SMOC2: variants seen among roughly 807,000 people sequenced by gnomAD.
SMOC2 encodes the protein SPARC related modular calcium binding 2, also known as SPARC-related modular calcium-binding protein 2.
SMOC2 carries 39 observed loss-of-function variants against 61.4 expected under a neutral mutation model. The ratio of observed to expected loss-of-function variants is 0.64; its 90% confidence interval spans 0.49 to 0.83. The LOEUF (loss-of-function observed/expected upper bound fraction) is 0.83, where lower values mean the gene tolerates loss of function less well. SMOC2 is among the 40% of genes least tolerant of loss of function. The probability of loss-of-function intolerance (pLI) is 0.00; values close to 1 mark genes in which losing one functional copy is unlikely to be tolerated. For synonymous variants in SMOC2, 247 were observed against 239.9 expected (o/e 1.03, Z -0.27); for missense variants, 556 against 592.9 (o/e 0.94, Z 0.65).
intron 8 of SMOC2, among the ~76,000 whole-genome samples, chr6:168,606,025 G>A (rs16887191): frequency 0.012 from 1,758 of 152,236 alleles, 31 homozygotes; most frequent in African/African-American, 0.038. Context: ...ACACTGACCC[G>A]GAGCTTGAAG....
intron 1 of SMOC2, among the ~76,000 whole-genome samples, chr6:168,462,745 T>C (rs1191167158): frequency 1.3e-5 from 2 of 152,184 alleles, no homozygotes; most frequent in Non-Finnish European, 2.9e-5. Context: ...GGGTTTGGGC[T>C]GAGAGTCTCC....
intron 4 of SMOC2, among the ~76,000 whole-genome samples, chr6:168,536,501 C>T (rs145386263): frequency 1.5e-3 from 229 of 152,260 alleles, no homozygotes; most frequent in African/African-American, 4.7e-3. Flanking sequence ...CTCAGCCTCA[C>T]GGTGACCCAG....
At chr6:168,495,671 C>T (rs1583056731) in intron 1 of SMOC2, among the ~76,000 whole-genome samples, 1 of 152,264 alleles carries the variant, frequency 6.6e-6, no homozygotes, top group South Asian at 2.1e-4. Context: ...GTCTGCCACT[C>T]CCACACTGCC....
chr6:168,657,114 C>T (rs149315805), intron 11 of SMOC2, among the ~76,000 whole-genome samples: 111 of 152,388 alleles, frequency 7.3e-4, no homozygotes, highest in African/African-American at 2.6e-3. Context: ...GCCCACTCAC[C>T]ACTGTGGGAA....
At chr6:168,450,778 G>T (rs1043961369) in intron 1 of SMOC2, among the ~76,000 whole-genome samples, 3 of 152,182 alleles carry the variant, frequency 2.0e-5, no homozygotes, top group African/African-American at 7.2e-5. Context: ...CAAGCATTTG[G>T]TCACTTAAAC....
At chr6:168,512,665 T>TGGTC (rs747637807) in intron 2 of SMOC2, among the ~76,000 whole-genome samples, 3 of 152,220 alleles carry the variant, frequency 2.0e-5, no homozygotes, top group Non-Finnish European at 4.4e-5. Flanking sequence ...TGGCCTGGAA[T>TGGTC]GGTCGCTGCC....
intron 1 of SMOC2, 140 bp downstream of exon 1, chr6:168,441,594 C>G (rs1242696010): frequency 1.6e-6 from 2 of 1,231,754 alleles, no homozygotes; most frequent in African/African-American, 3.2e-5. Flanking sequence ...GGAGCCTTCG[C>G]CTGCCGGCGA....
chr6:168,606,547 T>A (rs967454236), intron 8 of SMOC2, among the ~76,000 whole-genome samples: 1 of 152,098 alleles, frequency 6.6e-6, no homozygotes, highest in Non-Finnish European at 1.5e-5. Flanking sequence ...ACACTTTAAA[T>A]ATGTCCCTTT....
chr6:168,608,011 G>T, intron 8 of SMOC2, 146 bp from the exon 9 acceptor site: 1 of 678,402 alleles, frequency 1.5e-6, no homozygotes, highest in Non-Finnish European at 2.5e-6. Flanking sequence ...ACAGAAAGGA[G>T]TGAGGAGGTC....
chr6:168,552,612 G>A (rs1784153013), intron 7 of SMOC2, among the ~76,000 whole-genome samples: 1 of 152,132 alleles, frequency 6.6e-6, no homozygotes, highest in Non-Finnish European at 1.5e-5. Flanking sequence ...AGCAAGATGT[G>A]GTCACATATG....
chr6:168,500,104 C>T (rs1254934668), intron 1 of SMOC2, among the ~76,000 whole-genome samples: 2 of 151,830 alleles, frequency 1.3e-5, no homozygotes, highest in South Asian at 2.1e-4. Context: ...CTCAGGAGTT[C>T]GAGGCCAGCC....
intron 7 of SMOC2, among the ~76,000 whole-genome samples, chr6:168,557,604 G>A (rs1475056186): frequency 6.6e-6 from 1 of 152,194 alleles, no homozygotes; most frequent in East Asian, 1.9e-4. Context: ...AAATATAAAT[G>A]ACATCAACTC....
At chr6:168,441,788 C>T (rs1364735093) in intron 1 of SMOC2, among the ~76,000 whole-genome samples, 8 of 152,174 alleles carry the variant, frequency 5.3e-5, no homozygotes, top group Non-Finnish European at 1.2e-4. Context: ...CTGCAGACCC[C>T]GGACAAGTGG....
chr6:168,543,891 G>A (rs1365300781), intron 5 of SMOC2, among the ~76,000 whole-genome samples: 2 of 152,120 alleles, frequency 1.3e-5, no homozygotes, highest in Non-Finnish European at 2.9e-5. Context: ...CCTGTGCTCC[G>A]AGGCTTGTTT....
chr6:168,604,283 A>G (rs1040518989), intron 8 of SMOC2, among the ~76,000 whole-genome samples: 7 of 152,222 alleles, frequency 4.6e-5, no homozygotes, highest in African/African-American at 1.7e-4. Flanking sequence ...TAATTCATGG[A>G]TCATTGGTCA....
At chr6:168,566,914 T>A (rs1450811488) in intron 7 of SMOC2, among the ~76,000 whole-genome samples, 1 of 152,060 alleles carries the variant, frequency 6.6e-6, no homozygotes, top group East Asian at 1.9e-4. Context: ...GAAGACACTA[T>A]AAAAAAAGAC....
At chr6:168,575,791 T>C (rs1024734867) in intron 7 of SMOC2, among the ~76,000 whole-genome samples, 25 of 152,352 alleles carry the variant, frequency 1.6e-4, no homozygotes, top group African/African-American at 6.0e-4. Context: ...CCAATTCCAG[T>C]GGCTGCTCCA....
chr6:168,518,990 T>C (rs990507444), intron 2 of SMOC2, among the ~76,000 whole-genome samples: 3 of 151,262 alleles, frequency 2.0e-5, no homozygotes, highest in African/African-American at 7.3e-5. Context: ...CATGCGTGTG[T>C]ATGCGTGCAT....
At chr6:168,599,581 A>ACACACACCCACACACACATACCC (rs138811685) in intron 8 of SMOC2, among the ~76,000 whole-genome samples, 2 of 31,654 alleles carry the variant, frequency 6.3e-5, no homozygotes, top group East Asian at 2.8e-3. Flanking sequence ...CACTCATACC[A>ACACACACCCACACACACATACCC]CACACACCCA....
Sources: allele counts gnomAD v4.1 joint callset (sites outside exome capture counted in the v4.1 genomes callset), GRCh38; gene constraint gnomAD v4.1.1; transcripts MANE v1.5; gene names NCBI Gene and HGNC (gene_info 2026-07-23, HGNC 2026-07-21).